KLF7: variants seen among roughly 807,000 people sequenced by gnomAD.
KLF7 encodes the protein Krueppel-like factor 7.
In KLF7, 2 loss-of-function variants were observed where a neutral mutation model predicts 27.3. The observed-to-expected ratio is 0.07, with a 90% CI of 0.03 to 0.23. The LOEUF is 0.23. Among genes scored for constraint, KLF7 ranks in the 10% least tolerant of loss-of-function variants. KLF7 has a pLI of 1.00. For synonymous variants in KLF7, 165 were observed against 162.4 expected (o/e 1.02, Z -0.12); for missense variants, 221 against 394.1 (o/e 0.56, Z 3.72).
chr2:207,074,696 T>C lies in KLF7; in HGVS notation c.*6517A>G, dbSNP rs2076147180. 6.6e-6 allele frequency: 1 copy of C among 152,232 alleles called. No homozygotes were observed. The highest frequency in any genetic ancestry group is 6.6e-5 in the Admixed American group (1 of 15,254). The allele number at this position is 152,232 out of a possible 1,614,324, so 9.4% of individuals were successfully genotyped here. On this transcript the variant is annotated 3_prime_UTR_variant, in exon 4 of 4. Coordinates refer to ENST00000309446, the MANE Select transcript of KLF7 (RefSeq NM_003709.4). ...AGATCCTTTCCCAATAGGTTCCTAT[T>C]AAACACCATCCCAGAACAAACTGCC...
intron 2 of KLF7, among the ~76,000 whole-genome samples, chr2:207,106,118 T>A (rs2076877645): frequency 6.6e-6 from 1 of 152,244 alleles, no homozygotes; most frequent in African/African-American, 2.4e-5. Flanking sequence ...AAATTATATA[T>A]GTGGCTCACA....
chr2:207,075,352 TA>T lies in KLF7; in HGVS notation c.*5860del, dbSNP rs2076156167. On this transcript the variant is annotated 3_prime_UTR_variant, in exon 4 of 4. Transcript: ENST00000309446. ...CTTGACAAAGTAATATATTTATATA[TA>T]TATATATATAAAAAGCTTAAAAAAA... is the stretch of plus-strand genomic sequence containing the variant. The T allele has an allele frequency of 6.7e-6, 1 of 148,998 alleles. No individual in the cohort carries two copies. Among genetic ancestry groups the T allele is most frequent in the Non-Finnish European group, 1.5e-5 (1 of 67,354 alleles). The allele number at this position is 148,998 out of a possible 1,614,324, so 9.2% of individuals were successfully genotyped here. A position where few individuals can be genotyped will look rare whatever the true frequency, so the allele number is the denominator to read the frequency against.
At chr2:207,138,881 C>T (rs1010624193) in intron 1 of KLF7, among the ~76,000 whole-genome samples, 1 of 152,230 alleles carries the variant, frequency 6.6e-6, no homozygotes, top group Non-Finnish European at 1.5e-5. Context: ...ATGTTTGTGT[C>T]TGTGTCTGCG....
intron 1 of KLF7, among the ~76,000 whole-genome samples, chr2:207,161,010 C>G (rs1487165511): frequency 2.6e-5 from 4 of 152,168 alleles, no homozygotes; most frequent in African/African-American, 9.7e-5. Context: ...TTTCCCCCTA[C>G]TAAGGACAGA....
intron 1 of KLF7, among the ~76,000 whole-genome samples, chr2:207,128,301 C>T (rs1186729323): frequency 6.6e-6 from 1 of 152,020 alleles, no homozygotes; most frequent in Admixed American, 6.5e-5. Flanking sequence ...TGAATCCATA[C>T]TGATATAAAT....
chr2:207,115,816 G>C (rs774816261), intron 2 of KLF7, among the ~76,000 whole-genome samples: 3 of 152,120 alleles, frequency 2.0e-5, no homozygotes, highest in Non-Finnish European at 2.9e-5. Context: ...ACTAATAATA[G>C]AAGATTAAAG....
chr2:207,143,487 G>A (rs1018709109), intron 1 of KLF7, among the ~76,000 whole-genome samples: 2 of 151,776 alleles, frequency 1.3e-5, no homozygotes, highest in Non-Finnish European at 2.9e-5. Context: ...TGAGGGAACT[G>A]AAGGTTCGGA....
At chr2:207,129,359 T>C (rs1026517594) in intron 1 of KLF7, among the ~76,000 whole-genome samples, 2 of 152,168 alleles carry the variant, frequency 1.3e-5, no homozygotes, top group Admixed American at 1.3e-4. Flanking sequence ...ACTTAAGGCT[T>C]GAGCCACTGG....
At chr2:207,093,474 T>C (rs1574433015) in intron 2 of KLF7, among the ~76,000 whole-genome samples, 1 of 152,200 alleles carries the variant, frequency 6.6e-6, no homozygotes, top group East Asian at 1.9e-4. Context: ...GCTCCCTCAC[T>C]TCATTCCGGT....
chr2:207,097,660 G>A (rs780782191), intron 2 of KLF7, among the ~76,000 whole-genome samples: 1 of 152,162 alleles, frequency 6.6e-6, no homozygotes, highest in African/African-American at 2.4e-5. Flanking sequence ...TAGATTCTTG[G>A]TGAATTTGTT....
At chr2:207,115,157 G>GA (rs367853609) in intron 2 of KLF7, among the ~76,000 whole-genome samples, 2,975 of 142,084 alleles carry the variant, frequency 0.021, 97 homozygotes, top group African/African-American at 0.072. Flanking sequence ...TTGAAGGGAA[G>GA]AAAAAAAAAG....
intron 2 of KLF7, among the ~76,000 whole-genome samples, chr2:207,114,040 AC>A (rs1321818628): frequency 6.6e-6 from 1 of 152,224 alleles, no homozygotes; most frequent in Non-Finnish European, 1.5e-5. Flanking sequence ...AGCCTATGAT[AC>A]CTTTTCTAAA....
At chr2:207,129,883 A>G (rs1276565797) in intron 1 of KLF7, among the ~76,000 whole-genome samples, 1 of 152,240 alleles carries the variant, frequency 6.6e-6, no homozygotes. Flanking sequence ...TTGAAAGAAA[A>G]CAGGATAATT....
intron 3 of KLF7, among the ~76,000 whole-genome samples, chr2:207,085,932 A>T (rs1279864799): frequency 6.6e-6 from 1 of 152,062 alleles, no homozygotes; most frequent in Non-Finnish European, 1.5e-5. Flanking sequence ...TTTTCCAGAC[A>T]AAGCCAGAAA....
At chr2:207,150,718 C>G (rs1011049461) in intron 1 of KLF7, among the ~76,000 whole-genome samples, 10 of 152,128 alleles carry the variant, frequency 6.6e-5, no homozygotes, top group African/African-American at 2.4e-4. Flanking sequence ...TTTTCCACGA[C>G]ACCGGTATTT....
intron 1 of KLF7, among the ~76,000 whole-genome samples, chr2:207,148,783 C>T (rs940783281): frequency 6.6e-6 from 1 of 152,130 alleles, no homozygotes; most frequent in African/African-American, 2.4e-5. Flanking sequence ...CTCTCTAGTG[C>T]CTTATACTGT....
At chr2:207,130,347 G>A (rs1673485429) in intron 1 of KLF7, among the ~76,000 whole-genome samples, 1 of 152,204 alleles carries the variant, frequency 6.6e-6, no homozygotes, top group Admixed American at 6.5e-5. Context: ...TTCAACCCTG[G>A]ACAATTAAAC....
chr2:207,160,055 T>C (rs2078497551), intron 1 of KLF7, among the ~76,000 whole-genome samples: 2 of 152,230 alleles, frequency 1.3e-5, no homozygotes, highest in Non-Finnish European at 2.9e-5. Context: ...AGGATATGTA[T>C]ATTCTACAAT....
intron 1 of KLF7, among the ~76,000 whole-genome samples, chr2:207,138,235 T>G (rs961932002): frequency 6.6e-6 from 1 of 152,208 alleles, no homozygotes; most frequent in Non-Finnish European, 1.5e-5. Flanking sequence ...AGAACTACAT[T>G]AGCAGCATAA....
Sources: gnomAD v4.1 joint callset for allele counts (sites outside exome capture counted in the v4.1 genomes callset) on GRCh38, gnomAD v4.1.1 for gene constraint, MANE v1.5 for transcripts, NCBI Gene and HGNC (gene_info 2026-07-23, HGNC 2026-07-21) for gene names.